Variants in NKAIN3 observed in about 807,000 individuals in gnomAD.
NKAIN3 encodes sodium/potassium transporting ATPase interacting 3, also known as sodium/potassium-transporting ATPase subunit beta-1-interacting protein 3.
A neutral mutation model predicts 30.2 loss-of-function variants in NKAIN3; 25 were observed. The observed-to-expected ratio is 0.83, with a 90% CI of 0.60 to 1.16. NKAIN3 has a LOEUF of 1.16. NKAIN3 is among the 50% of genes most tolerant of loss of function. The pLI, the probability that NKAIN3 is intolerant of heterozygous loss-of-function variation, is 0.00. For synonymous variants in NKAIN3, 91 were observed against 89.6 expected (o/e 1.02, Z -0.09); for missense variants, 225 against 254.1 (o/e 0.89, Z 0.78).
At chr8:62,515,043 C>G (rs1003312268) in intron 1 of NKAIN3, among the ~76,000 whole-genome samples, 58 of 152,108 alleles carry the variant, frequency 3.8e-4, no homozygotes, top group African/African-American at 1.4e-3. Context: ...ACTCCCTTGT[C>G]CCTGTCCTCT....
intron 1 of NKAIN3, among the ~76,000 whole-genome samples, chr8:62,536,597 T>G (rs12544945): frequency 0.41 from 61,855 of 151,312 alleles, 14,751 homozygotes; most frequent in Non-Finnish European, 0.52. Flanking sequence ...TAGTAAGGCC[T>G]GAGGAAAACA....
chr8:62,867,570 G>C (rs1234621218), intron 4 of NKAIN3, among the ~76,000 whole-genome samples: 1 of 152,166 alleles, frequency 6.6e-6, no homozygotes, highest in Non-Finnish European at 1.5e-5. Flanking sequence ...ACTTATGCAA[G>C]AGGAACCAAA....
At chr8:62,537,398 G>C (rs1808697781) in intron 1 of NKAIN3, among the ~76,000 whole-genome samples, 1 of 152,106 alleles carries the variant, frequency 6.6e-6, no homozygotes, top group Admixed American at 6.6e-5. Flanking sequence ...TACTTAAGCA[G>C]TTCTTTCTTC....
At position 62,646,112 on chromosome 8, in the gene NKAIN3, A is replaced by G. The variant is rs560213206; in HGVS notation, c.273+56318A>G. 1.9e-3 allele frequency among the ~76,000 whole-genome samples: 282 copies of G among 151,216 alleles called. 1 individual carries two copies. The highest frequency in any genetic ancestry group is 6.7e-3 in the African/African-American group (276 of 41,044). ...ATATCATAGATGCAATGGCCTAAAA[A>G]TCAAATGGCGTTTTCCCTCATTCTG... On this transcript the variant is annotated intron_variant, in intron 3 of 6. Transcript: ENST00000623646.
At chr8:62,689,670 G>A (rs775840002) in intron 3 of NKAIN3, among the ~76,000 whole-genome samples, 1 of 151,992 alleles carries the variant, frequency 6.6e-6, no homozygotes, top group African/African-American at 2.4e-5. Context: ...TTAGAAGAAC[G>A]CATTTTAAAG....
chr8:62,499,885 G>A (rs77380196), intron 1 of NKAIN3, among the ~76,000 whole-genome samples: 5,523 of 147,130 alleles, frequency 0.038, 379 homozygotes, highest in African/African-American at 0.13. Flanking sequence ...TTGTGTCCTT[G>A]TCACAACAAC....
intron 3 of NKAIN3, among the ~76,000 whole-genome samples, chr8:62,686,842 C>A (rs1401234751): frequency 6.6e-6 from 1 of 152,152 alleles, no homozygotes; most frequent in African/African-American, 2.4e-5. Context: ...AAGTAAACAA[C>A]CACATGCATA....
At chr8:62,354,078 T>C (rs1816270146) in intron 1 of NKAIN3, among the ~76,000 whole-genome samples, 1 of 152,210 alleles carries the variant, frequency 6.6e-6, no homozygotes, top group Admixed American at 6.5e-5. Context: ...GCATACAGGT[T>C]ATTTTTGTTT....
intron 4 of NKAIN3, among the ~76,000 whole-genome samples, chr8:62,811,635 T>TA (rs36007943): frequency 0.77 from 116,423 of 151,872 alleles, 44,896 homozygotes; most frequent in Admixed American, 0.82. Context: ...CAATGGAGAA[T>TA]ATGTTTTTTG....
At chr8:62,662,543 T>A (rs1042122768) in intron 3 of NKAIN3, among the ~76,000 whole-genome samples, 1 of 152,250 alleles carries the variant, frequency 6.6e-6, no homozygotes, top group African/African-American at 2.4e-5. Context: ...AACCTTCAGA[T>A]ATACATTGAT....
At chr8:62,844,543 G>C (rs1375983831) in intron 4 of NKAIN3, among the ~76,000 whole-genome samples, 2 of 152,094 alleles carry the variant, frequency 1.3e-5, no homozygotes, top group East Asian at 3.9e-4. Flanking sequence ...CCCAAGAATA[G>C]AGTGGGTCCT....
intron 1 of NKAIN3, among the ~76,000 whole-genome samples, chr8:62,563,713 G>A (rs1762297786): frequency 6.6e-6 from 1 of 152,134 alleles, no homozygotes. Context: ...ATCTCTCACA[G>A]TGAATAACCC....
chr8:62,308,008 A>G (rs561950044), intron 1 of NKAIN3, among the ~76,000 whole-genome samples: 1 of 150,306 alleles, frequency 6.7e-6, no homozygotes, highest in Non-Finnish European at 1.5e-5. Context: ...CAAACTCAGG[A>G]CACTACAGTG....
chr8:62,850,253 A>C lies in NKAIN3; in HGVS notation c.472-68200A>C, dbSNP rs371082366. Among the ~76,000 whole-genome samples, 1,101 of 152,036 alleles carry C rather than the reference A, an allele frequency of 7.2e-3. 14 individuals carry two copies. The highest frequency in any genetic ancestry group is 0.05 in the South Asian group (242 of 4,806). On this transcript the variant is annotated intron_variant, in intron 4 of 6. Coordinates refer to ENST00000623646, the MANE Select transcript of NKAIN3 (RefSeq NM_001304533.3). ...TGTCTTTTGGCTGCATAAATGTCTT[A>C]TTTTGAGAAGTGTCTGTTCAGGTCC...
intron 4 of NKAIN3, among the ~76,000 whole-genome samples, chr8:62,889,566 T>G (rs192163347): frequency 6.6e-6 from 1 of 152,284 alleles, no homozygotes; most frequent in Non-Finnish European, 1.5e-5. Flanking sequence ...ATTGAACAAC[T>G]GATATGCCAC....
At chr8:62,710,293 T>A (rs1814673569) in intron 3 of NKAIN3, among the ~76,000 whole-genome samples, 1 of 152,210 alleles carries the variant, frequency 6.6e-6, no homozygotes, top group Non-Finnish European at 1.5e-5. Flanking sequence ...TCTGTCTTGA[T>A]GACCTGTCTA....
intron 4 of NKAIN3, among the ~76,000 whole-genome samples, chr8:62,854,764 A>G (rs1451186149): frequency 6.6e-6 from 1 of 152,136 alleles, no homozygotes; most frequent in Admixed American, 6.5e-5. Flanking sequence ...ATTTTTGCAG[A>G]CTAGTTTATG....
At position 62,885,426 on chromosome 8, in the gene NKAIN3, C is replaced by T. The variant is rs373049265; in HGVS notation, c.472-33027C>T. ...ATTTGTTCTTTCCTGCTGAATGTTC[C>T]ATGTGAGCTTGAGAAGAATGTATAT... On this transcript the variant is annotated intron_variant, in intron 4 of 6. Coordinates refer to ENST00000623646, the MANE Select transcript of NKAIN3 (RefSeq NM_001304533.3). Among the ~76,000 whole-genome samples, 18 of 152,256 alleles carry T rather than the reference C, an allele frequency of 1.2e-4. No homozygotes were observed. The South Asian group carries it at 2.3e-3, about 19-fold the overall frequency.
chr8:62,424,696 G>T (rs1804750209), intron 1 of NKAIN3, among the ~76,000 whole-genome samples: 1 of 151,842 alleles, frequency 6.6e-6, no homozygotes, highest in Non-Finnish European at 1.5e-5. Flanking sequence ...CACTATTGAT[G>T]GGAGTATAAA....
Sources: allele counts gnomAD v4.1 joint callset (sites outside exome capture counted in the v4.1 genomes callset), GRCh38; gene constraint gnomAD v4.1.1; transcripts MANE v1.5; gene names NCBI Gene and HGNC (gene_info 2026-07-23, HGNC 2026-07-21).